Variants in TDRD3 observed in about 807,000 individuals in gnomAD.
The protein encoded by TDRD3 is tudor domain containing 3.
In TDRD3, 45 loss-of-function variants were observed where a neutral mutation model predicts 86.7. The observed-to-expected ratio is 0.52, with a 90% CI of 0.41 to 0.67. TDRD3 has a LOEUF of 0.67. TDRD3 is among the 30% of genes least tolerant of loss of function. TDRD3 has a pLI of 0.00. For synonymous variants in TDRD3, 298 were observed against 301.7 expected (o/e 0.99, Z 0.13); for missense variants, 814 against 889.0 (o/e 0.92, Z 1.07).
At chr13:60,482,227 G>T (rs934618002) in intron 5 of TDRD3, among the ~76,000 whole-genome samples, 1 of 152,100 alleles carries the variant, frequency 6.6e-6, no homozygotes, top group Non-Finnish European at 1.5e-5. Context: ...ACTTCCAGTT[G>T]CATCAGCCTG....
upstream of TDRD3, chr13:60,397,192 G>T (rs1218186516): frequency 2.4e-6 from 1 of 415,588 alleles, no homozygotes; most frequent in African/African-American, 2.1e-5. Flanking sequence ...CGCGGCGAGC[G>T]GAACCCGCAC....
intron 1 of TDRD3, among the ~76,000 whole-genome samples, chr13:60,400,732 T>C (rs1954071308): frequency 6.7e-6 from 1 of 148,932 alleles, no homozygotes; most frequent in African/African-American, 2.5e-5. Context: ...AGCGAGACTG[T>C]GTCTCAAAAA....
intron 1 of TDRD3, among the ~76,000 whole-genome samples, chr13:60,428,774 T>C (rs1301719170): frequency 2.0e-5 from 3 of 152,154 alleles, no homozygotes; most frequent in Non-Finnish European, 4.4e-5. Flanking sequence ...ACTTCAGTCT[T>C]TATTCCTGCA....
At chr13:60,406,517 A>G (rs1954238553) in intron 1 of TDRD3, among the ~76,000 whole-genome samples, 1 of 152,212 alleles carries the variant, frequency 6.6e-6, no homozygotes, top group Non-Finnish European at 1.5e-5. Flanking sequence ...TGGACATTAT[A>G]TTTGTTGGAC....
chr13:60,423,114 TA>T (rs1237808332), intron 1 of TDRD3, among the ~76,000 whole-genome samples: 16 of 152,176 alleles, frequency 1.1e-4, no homozygotes, highest in African/African-American at 3.1e-4. Flanking sequence ...AACCAATATA[TA>T]AAGCAAGGCA....
At chr13:60,469,979 C>T (rs1369659708) in intron 5 of TDRD3, among the ~76,000 whole-genome samples, 1 of 152,136 alleles carries the variant, frequency 6.6e-6, no homozygotes, top group Non-Finnish European at 1.5e-5. Context: ...TACCACCATC[C>T]ACTTCCCTAA....
Position 60,477,879 on chromosome 13 carries a change from G to A in TDRD3, c.496-5896G>A, listed in dbSNP as rs552913536. Among the ~76,000 whole-genome samples the A allele has an allele frequency of 9.9e-5, 15 of 152,242 alleles. 1 individual carries two copies. In the South Asian group the frequency reaches 3.1e-3, roughly 32 times the overall value. On this transcript the variant is annotated intron_variant, in intron 5 of 13. Transcript: ENST00000377881. ...AGATTTTGACATCAGGATGATGCTG[G>A]CTTTGTGCAAAGAAGTAGGGAGAAT... is the stretch of plus-strand genomic sequence containing the variant.
Position 60,422,998 on chromosome 13 carries a change from AT to A in TDRD3, c.42-16689del, listed in dbSNP as rs369325728. On this transcript the variant is annotated intron_variant, in intron 1 of 13. Transcript: ENST00000377881. ...TCCACAGCAATTAACTCCAAGACAT[AT>A]CCCAGTTAAAAATTATCAGATTATT... Among the ~76,000 whole-genome samples the A allele has an allele frequency of 2.9e-3, 441 of 152,286 alleles. 3 individuals carry two copies. Among genetic ancestry groups the A allele is most frequent in the African/African-American group, 9.6e-3 (401 of 41,576 alleles).
At chr13:60,503,073 T>C (rs1455435922) in intron 8 of TDRD3, among the ~76,000 whole-genome samples, 1 of 152,208 alleles carries the variant, frequency 6.6e-6, no homozygotes, top group African/African-American at 2.4e-5. Context: ...TTTCCTTGAC[T>C]CTGAAAGACA....
At chr13:60,499,208 C>T (rs1243617805) in intron 8 of TDRD3, among the ~76,000 whole-genome samples, 2 of 152,222 alleles carry the variant, frequency 1.3e-5, no homozygotes, top group African/African-American at 4.8e-5. Flanking sequence ...ATGATTCCCA[C>T]CACATCCCCA....
Position 60,397,256 on chromosome 13 carries a change from T to A in TDRD3, c.-109T>A. ...CCAGTTGCAGAGCCGACCAGAGGAG[T>A]TTTTTCTTTTCTTTTCTTTTTTTTT... On this transcript the variant is annotated 5_prime_UTR_variant, in exon 1 of 14. Transcript: ENST00000377881. 1.6e-6 allele frequency: 1 copy of A among 643,162 alleles called. No homozygotes were observed. Among genetic ancestry groups the A allele is most frequent in the Non-Finnish European group, 2.3e-6 (1 of 428,944 alleles). 39.8% of individuals were successfully genotyped at this position (643,162 alleles called of 1,614,324 possible). A position where few individuals can be genotyped will look rare whatever the true frequency, so the allele number is the denominator to read the frequency against.
At chr13:60,496,331 A>C (rs1956717751) in intron 8 of TDRD3, among the ~76,000 whole-genome samples, 1 of 82,486 alleles carries the variant, frequency 1.2e-5, no homozygotes, top group African/African-American at 4.9e-5. Context: ...ATATATATAT[A>C]TATATATATA....
intron 1 of TDRD3, 44 bp downstream of exon 1, chr13:60,397,449 C>CGG: frequency 6.8e-7 from 1 of 1,466,698 alleles, no homozygotes; most frequent in Admixed American, 2.3e-5. Context: ...GGGTGCGGGC[C>CGG]GGGGCCCCAG....
chr13:60,443,583 A>G (rs542383518), intron 2 of TDRD3, among the ~76,000 whole-genome samples: 1 of 152,058 alleles, frequency 6.6e-6, no homozygotes, highest in East Asian at 1.9e-4. Flanking sequence ...GGATATTTCA[A>G]ATAGGAGGAT....
intron 13 of TDRD3, among the ~76,000 whole-genome samples, chr13:60,572,895 T>C (rs561720031): frequency 7.1e-4 from 108 of 152,226 alleles, no homozygotes; most frequent in Non-Finnish European, 7.6e-4. Flanking sequence ...CAGAACTCCA[T>C]GATGCCAGCA....
intron 3 of TDRD3, among the ~76,000 whole-genome samples, chr13:60,447,379 TC>T (rs1955428781): frequency 6.6e-6 from 1 of 152,164 alleles, no homozygotes; most frequent in South Asian, 2.1e-4. Context: ...AGTCAGTTAA[TC>T]TTGCCAGATT....
intron 11 of TDRD3, among the ~76,000 whole-genome samples, chr13:60,533,478 T>A (rs1256283699): frequency 6.6e-6 from 1 of 151,988 alleles, no homozygotes; most frequent in East Asian, 1.9e-4. Context: ...CTGTCTTTAC[T>A]AAAAATACAA....
chr13:60,517,255 A>T (rs182849662), intron 10 of TDRD3, among the ~76,000 whole-genome samples: 1 of 151,908 alleles, frequency 6.6e-6, no homozygotes, highest in African/African-American at 2.4e-5. Context: ...TTGAACTTTG[A>T]AGACTGAAGA....
chr13:60,495,967 T>A (rs1462256566), intron 8 of TDRD3, among the ~76,000 whole-genome samples: 1 of 152,014 alleles, frequency 6.6e-6, no homozygotes, highest in Non-Finnish European at 1.5e-5. Flanking sequence ...AAAGTATTGA[T>A]CCTGAGTGTG....
Sources: gnomAD v4.1 joint callset for allele counts (sites outside exome capture counted in the v4.1 genomes callset) on GRCh38, gnomAD v4.1.1 for gene constraint, MANE v1.5 for transcripts, NCBI Gene and HGNC (gene_info 2026-07-23, HGNC 2026-07-21) for gene names.